The following CTNNA2 variants were observed in gnomAD, a reference collection of about 807,000 sequenced individuals.
CTNNA2 encodes catenin alpha-2.
A neutral mutation model predicts 101.0 loss-of-function variants in CTNNA2; 42 were observed. The observed-to-expected ratio is 0.42, with a 90% CI of 0.32 to 0.54. The LOEUF is 0.54. Ranked by LOEUF, CTNNA2 falls within the 20% of genes least tolerant of loss-of-function variation. The pLI, the probability that CTNNA2 is intolerant of heterozygous loss-of-function variation, is 0.14. For synonymous variants in CTNNA2, 450 were observed against 456.4 expected, an observed-to-expected ratio of 0.99 and a Z score of 0.18; for missense variants, 871 against 1,223.1, an observed-to-expected ratio of 0.71 and a Z score of 4.29.
intron 7 of CTNNA2, among the ~76,000 whole-genome samples, chr2:80,010,920 G>A (rs1038736505): frequency 3.3e-5 from 5 of 152,052 alleles, no homozygotes; most frequent in Non-Finnish European, 7.4e-5. Flanking sequence ...CTGTAAAATT[G>A]AGGGTCTCCA....
At position 79,481,105 on chromosome 2, in the gene CTNNA2, T is replaced by C. The variant is rs1014784398; in HGVS notation, c.-134-23949T>C. On this transcript the variant is annotated intron_variant, in intron 4 of 21. Transcript: ENST00000466387. ...ACTAATTTTTCATATAAATAAAAAGTTTTTTAAAAACCTAAATATGAATAA... is the reference window on the plus strand; with the variant it reads ...ACTAATTTTTCATATAAATAAAAAGCTTTTTAAAAACCTAAATATGAATAA... Among the ~76,000 whole-genome samples the C allele has an allele frequency of 4.6e-5, 7 of 152,110 alleles. No homozygotes were observed. In the East Asian group the frequency reaches 5.8e-4, roughly 13 times the overall value.
chr2:79,653,803 CA>C (rs1681423583), intron 2 of CTNNA2, among the ~76,000 whole-genome samples: 1 of 152,190 alleles, frequency 6.6e-6, no homozygotes, highest in African/African-American at 2.4e-5. Context: ...ACTCTTTCAA[CA>C]CTTTGCTTAG....
intron 18 of CTNNA2, among the ~76,000 whole-genome samples, chr2:80,627,592 AG>A (rs1671816251): frequency 6.6e-6 from 1 of 152,072 alleles, no homozygotes; most frequent in Admixed American, 6.6e-5. Flanking sequence ...AGTTCTTTGT[AG>A]GTTCTGAATA....
At chr2:79,892,937 C>T (rs1433792380) in intron 6 of CTNNA2, among the ~76,000 whole-genome samples, 3 of 152,130 alleles carry the variant, frequency 2.0e-5, no homozygotes, top group Non-Finnish European at 4.4e-5. Flanking sequence ...AGAGTTTCTT[C>T]TTACACTGAC....
At chr2:79,370,513 G>C (rs1183718732) in intron 3 of CTNNA2, among the ~76,000 whole-genome samples, 1 of 152,130 alleles carries the variant, frequency 6.6e-6, no homozygotes, top group African/African-American at 2.4e-5. Context: ...TCTGCCTCTA[G>C]CTCTATGCTA....
chr2:79,333,992 G>C (rs756410034), intron 3 of CTNNA2, among the ~76,000 whole-genome samples: 7 of 152,060 alleles, frequency 4.6e-5, no homozygotes, highest in Non-Finnish European at 8.8e-5. Flanking sequence ...GGAGTACTGT[G>C]TGATATTTTG....
At chr2:79,326,299 G>T (rs1334390929) in intron 3 of CTNNA2, among the ~76,000 whole-genome samples, 4 of 114,006 alleles carry the variant, frequency 3.5e-5, no homozygotes, top group Admixed American at 8.5e-5. Flanking sequence ...AAACAAACAA[G>T]CAAAAAAAAA....
chr2:80,030,289 C>G (rs989718196), intron 7 of CTNNA2, among the ~76,000 whole-genome samples: 15 of 151,670 alleles, frequency 9.9e-5, no homozygotes, highest in Admixed American at 7.9e-4. Flanking sequence ...TTAGACTGTC[C>G]CAGCACTAGC....
At chr2:79,756,966 G>T (rs1558902510) in intron 3 of CTNNA2, among the ~76,000 whole-genome samples, 1 of 152,176 alleles carries the variant, frequency 6.6e-6, no homozygotes, top group Non-Finnish European at 1.5e-5. Context: ...TCATTCAGAT[G>T]CAATATGATA....
At chr2:80,067,260 A>G (rs1698048049) in intron 7 of CTNNA2, among the ~76,000 whole-genome samples, 1 of 152,194 alleles carries the variant, frequency 6.6e-6, no homozygotes, top group Non-Finnish European at 1.5e-5. Context: ...TATGTGATAT[A>G]ATGCATATGT....
chr2:79,590,887 G>C (rs1347748347), intron 1 of CTNNA2, among the ~76,000 whole-genome samples: 1 of 152,006 alleles, frequency 6.6e-6, no homozygotes, highest in Non-Finnish European at 1.5e-5. Flanking sequence ...CTTTAATTTT[G>C]TTTTCTTTTC....
At chr2:80,001,174 G>A (rs1434991579) in intron 7 of CTNNA2, among the ~76,000 whole-genome samples, 1 of 152,098 alleles carries the variant, frequency 6.6e-6, no homozygotes, top group African/African-American at 2.4e-5. Context: ...TTAATTGGTG[G>A]TTCCTTCTTC....
chr2:79,301,295 C>A (rs1461803282), intron 2 of CTNNA2, among the ~76,000 whole-genome samples: 2 of 152,116 alleles, frequency 1.3e-5, no homozygotes, highest in Admixed American at 6.5e-5. Flanking sequence ...ATTTGCCACC[C>A]CTGGCATAGA....
intron 3 of CTNNA2, among the ~76,000 whole-genome samples, chr2:79,803,407 G>A (rs1441654116): frequency 6.6e-6 from 1 of 152,204 alleles, no homozygotes; most frequent in African/African-American, 2.4e-5. Context: ...CATTAGCATT[G>A]TTTCTATAGA....
intron 7 of CTNNA2, among the ~76,000 whole-genome samples, chr2:80,387,795 C>T (rs1677150894): frequency 6.6e-6 from 1 of 152,096 alleles, no homozygotes; most frequent in Admixed American, 6.5e-5. Flanking sequence ...CATGGATCTT[C>T]CCCAAATGCG....
At chr2:80,270,896 T>A (rs1673411638) in intron 7 of CTNNA2, among the ~76,000 whole-genome samples, 1 of 152,312 alleles carries the variant, frequency 6.6e-6, no homozygotes, top group African/African-American at 2.4e-5. Flanking sequence ...CAGATGATTG[T>A]TTATGGGACT....
chr2:79,943,922 T>G (rs1688320835), intron 7 of CTNNA2, among the ~76,000 whole-genome samples: 2 of 152,200 alleles, frequency 1.3e-5, no homozygotes, highest in African/African-American at 4.8e-5. Context: ...ATGTGTTAGT[T>G]CTAGTATAAT....
intron 1 of CTNNA2, among the ~76,000 whole-genome samples, chr2:79,558,669 A>C (rs1364089656): frequency 6.6e-6 from 1 of 151,924 alleles, no homozygotes; most frequent in African/African-American, 2.4e-5. Context: ...GGATTTGGAC[A>C]CAGTGAAATG....
At chr2:79,225,474 A>G (rs1023146801) in intron 2 of CTNNA2, among the ~76,000 whole-genome samples, 4 of 152,186 alleles carry the variant, frequency 2.6e-5, no homozygotes, top group African/African-American at 4.8e-5. Flanking sequence ...CTGTAGAATT[A>G]CTAGGAGATG....
Sources: gnomAD v4.1 joint callset for allele counts (sites outside exome capture counted in the v4.1 genomes callset) on GRCh38, gnomAD v4.1.1 for gene constraint, MANE v1.5 for transcripts, NCBI Gene and HGNC (gene_info 2026-07-23, HGNC 2026-07-21) for gene names.